The following ANKRD11 variants were observed in gnomAD, a reference collection of about 807,000 sequenced individuals.
ANKRD11 encodes ankyrin repeat domain 11.
Under a neutral mutation model 195.7 loss-of-function variants are expected in ANKRD11, and 17 were observed. The ratio of observed to expected loss-of-function variants is 0.09; its 90% CI spans 0.06 to 0.13. The LOEUF (loss-of-function observed/expected upper bound fraction) is 0.13. Ranked by LOEUF, ANKRD11 falls within the 10% of genes least tolerant of loss-of-function variation. The pLI is 1.00. For synonymous variants in ANKRD11, 1,953 were observed against 1,528.1 expected, an observed-to-expected ratio of 1.28 and a Z score of -6.49; for missense variants, 3,735 against 3,566.1, an observed-to-expected ratio of 1.05 and a Z score of -1.21.
At chr16:89,435,946 A>T (rs987611096) in intron 1 of ANKRD11, among the ~76,000 whole-genome samples, 2 of 152,130 alleles carry the variant, frequency 1.3e-5, no homozygotes, top group African/African-American at 4.8e-5. Context: ...AAGTTTCAAG[A>T]ACAGCCAGTT....
At chr16:89,388,911 A>G (rs1336008087) in intron 2 of ANKRD11, among the ~76,000 whole-genome samples, 1 of 152,258 alleles carries the variant, frequency 6.6e-6, no homozygotes, top group African/African-American at 2.4e-5. Flanking sequence ...AAAAGGTTCC[A>G]AGGAACTATG....
At chr16:89,435,504 A>G (rs1007352160) in intron 1 of ANKRD11, among the ~76,000 whole-genome samples, 1 of 151,854 alleles carries the variant, frequency 6.6e-6, no homozygotes, top group African/African-American at 2.4e-5. Context: ...CTGCAGCTTC[A>G]CTCCTGAAGT....
In ANKRD11 at chr16:89,286,019, C is replaced by T; in HGVS notation, c.892+20G>A. 6.2e-7 allele frequency: 1 copy of T among 1,614,134 alleles called. No homozygotes were observed. The highest frequency in any genetic ancestry group is 8.5e-7 in the Non-Finnish European group (1 of 1,180,040). ...CATCCCTGCATAAAAGAACAGGCAG[C>T]TCAGGTGGCCGTGACTTACCCGTCG... On this transcript the variant is annotated intron_variant, in intron 8 of 12. Transcript: ENST00000301030.
chr16:89,372,293 C>T (rs772601181), intron 2 of ANKRD11, among the ~76,000 whole-genome samples: 11 of 152,230 alleles, frequency 7.2e-5, no homozygotes, highest in Non-Finnish European at 1.0e-4. Context: ...GGCTCTGGGG[C>T]AGGCGGAGGC....
At chr16:89,490,116 C>G (rs915357062) in intron 1 of ANKRD11, 129 bp downstream of exon 1, 4 of 144,280 alleles carry the variant, frequency 2.8e-5, no homozygotes, top group African/African-American at 5.0e-5. Context: ...CACCCGGCCC[C>G]GACCCCCCAG....
In ANKRD11 at chr16:89,450,000, G is replaced by A. The variant is rs1331262545; in HGVS notation, c.-144-31632C>T. 2.0e-5 allele frequency among the ~76,000 whole-genome samples: 3 copies of A among 152,120 alleles called. No homozygotes were observed. In the East Asian group the frequency reaches 5.8e-4, roughly 29 times the overall value. On this transcript the variant is annotated intron_variant, in intron 1 of 12. Coordinates refer to ENST00000301030, the MANE Select transcript of ANKRD11 (RefSeq NM_013275.6). ...AAGGGGAGCCCTGCCTAAGCACTGGGGAGCACTTTATCTCACAACAGGAAA... is the reference window on the plus strand; with the variant it reads ...AAGGGGAGCCCTGCCTAAGCACTGGAGAGCACTTTATCTCACAACAGGAAA...
At chr16:89,349,058 G>A (rs1459266953) in intron 2 of ANKRD11, among the ~76,000 whole-genome samples, 1 of 140,114 alleles carries the variant, frequency 7.1e-6, no homozygotes, top group African/African-American at 2.6e-5. Context: ...AACCTGGGAG[G>A]CGGAGGTTAC....
intron 1 of ANKRD11, among the ~76,000 whole-genome samples, chr16:89,424,272 T>C (rs569038654): frequency 6.6e-6 from 1 of 152,162 alleles, no homozygotes; most frequent in African/African-American, 2.4e-5. Flanking sequence ...AGAAACCCCG[T>C]CTGTACTAAA....
chr16:89,489,310 T>A (rs1434580583), intron 1 of ANKRD11: 1 of 151,154 alleles, frequency 6.6e-6, no homozygotes, highest in Non-Finnish European at 1.5e-5. Context: ...GGAACGGAAA[T>A]TAACATTTCA....
chr16:89,488,309 G>C (rs2057688728), intron 1 of ANKRD11, among the ~76,000 whole-genome samples: 1 of 151,950 alleles, frequency 6.6e-6, no homozygotes, highest in Non-Finnish European at 1.5e-5. Context: ...CCAGCCTATC[G>C]AAGGAGATCC....
At chr16:89,428,642 T>A (rs1417508911) in intron 1 of ANKRD11, among the ~76,000 whole-genome samples, 2 of 152,072 alleles carry the variant, frequency 1.3e-5, no homozygotes, top group African/African-American at 4.8e-5. Context: ...ATGCCTGTAA[T>A]CCCAGCACTT....
intron 1 of ANKRD11, among the ~76,000 whole-genome samples, chr16:89,452,366 G>A (rs1322963427): frequency 1.3e-5 from 2 of 152,202 alleles, no homozygotes; most frequent in African/African-American, 4.8e-5. Context: ...AAGGTAGGGA[G>A]GACCAACCAT....
In ANKRD11 at chr16:89,279,455, G is replaced by C. The variant is rs769501453; in HGVS notation, c.7087C>G (p.Pro2363Ala). ...GCCTTGGCCCTGGTGACCGGGGCAG[G>C]GGTGGGGGCGCACTCCTTCTCGGAG... Reference protein sequence around the residue: ...PPSEKECAPTPAPVTRAKARG... With the variant: ...PPSEKECAPTAAPVTRAKARG... Residue 2363 changes from proline (P) to alanine (A), a missense_variant, in exon 9 of 13, where the codon CCT becomes GCT. Coordinates refer to ENST00000301030, the MANE Select transcript of ANKRD11 (RefSeq NM_013275.6). The surrounding 1 kb of genome is among the most constrained non-coding windows in gnomAD (Gnocchi z 5.6). The C allele has an allele frequency of 2.0e-4, 291 of 1,459,022 alleles. No homozygotes were observed. The highest frequency in any genetic ancestry group is 2.5e-4 in the Non-Finnish European group (273 of 1,082,552). 90.4% of individuals were successfully genotyped at this position (1,459,022 alleles called of 1,614,324 possible).
intron 12 of ANKRD11, 152 bp from the exon 13 acceptor site, chr16:89,268,815 C>A (rs2032865077): frequency 2.3e-6 from 2 of 863,544 alleles, no homozygotes; most frequent in East Asian, 5.4e-5. Context: ...CTCCTGGCAT[C>A]TAGTTACTAC....
intron 2 of ANKRD11, among the ~76,000 whole-genome samples, chr16:89,342,533 C>T (rs1413434820): frequency 6.6e-6 from 1 of 152,230 alleles, no homozygotes; most frequent in African/African-American, 2.4e-5. Context: ...GCCTGCGTGG[C>T]TCTCTCCTAG....
chr16:89,392,472 T>G (rs1467754616), intron 2 of ANKRD11: 1 of 152,074 alleles, frequency 6.6e-6, no homozygotes, highest in Non-Finnish European at 1.5e-5. Context: ...AAAAACAATG[T>G]TTATGTTTTG....
intron 1 of ANKRD11, among the ~76,000 whole-genome samples, chr16:89,462,268 G>A (rs1007929321): frequency 3.9e-5 from 6 of 152,162 alleles, no homozygotes; most frequent in East Asian, 1.9e-4. Context: ...ACGGGGTTTC[G>A]CTGTGTTGGC....
chr16:89,296,413 T>G (rs2035441492), intron 4 of ANKRD11, among the ~76,000 whole-genome samples: 1 of 152,204 alleles, frequency 6.6e-6, no homozygotes, highest in Non-Finnish European at 1.5e-5. Context: ...CTGTCTCACT[T>G]TCTTTCTGTG....
intron 2 of ANKRD11, among the ~76,000 whole-genome samples, chr16:89,325,514 C>CA (rs1295386672): frequency 6.6e-6 from 1 of 151,240 alleles, no homozygotes; most frequent in Non-Finnish European, 1.5e-5. Flanking sequence ...ATGTTGGGGA[C>CA]AAAATACATG....
Sources: allele counts gnomAD v4.1 joint callset (sites outside exome capture counted in the v4.1 genomes callset), GRCh38; gene constraint gnomAD v4.1.1; non-coding constraint Gnocchi (gnomAD v3.1); transcripts MANE v1.5; gene names NCBI Gene and HGNC (gene_info 2026-07-23, HGNC 2026-07-21).